THSD4: variants seen among roughly 807,000 people sequenced by gnomAD.
The protein encoded by THSD4 is thrombospondin type 1 domain containing 4.
In THSD4, 69 loss-of-function variants were observed where a neutral mutation model predicts 119.0. The observed-to-expected ratio is 0.58, with a 90% CI of 0.48 to 0.71. THSD4 has a LOEUF of 0.71. Among genes scored for constraint, THSD4 ranks in the 30% least tolerant of loss-of-function variants. The pLI is 0.00. For synonymous variants in THSD4, 524 were observed against 540.4 expected (o/e 0.97, Z 0.42); for missense variants, 1,393 against 1,391.1 (o/e 1.00, Z -0.02).
At chr15:71,768,256 AAGT>A (rs1339913604) in intron 16 of THSD4, among the ~76,000 whole-genome samples, 1 of 138,216 alleles carries the variant, frequency 7.2e-6, no homozygotes, top group East Asian at 2.0e-4. Flanking sequence ...AGCCCCCCGG[AAGT>A]AGTCTCACAA....
chr15:71,465,444 T>TA (rs1166553188), intron 7 of THSD4, among the ~76,000 whole-genome samples: 2 of 152,194 alleles, frequency 1.3e-5, no homozygotes, highest in Non-Finnish European at 2.9e-5. Flanking sequence ...CTGCTACCTT[T>TA]TGGGGGTTTC....
chr15:71,451,494 C>CT (rs2047265314), intron 7 of THSD4, among the ~76,000 whole-genome samples: 1 of 152,178 alleles, frequency 6.6e-6, no homozygotes, highest in African/African-American at 2.4e-5. Context: ...CCTGCATCTG[C>CT]TGCTCCCCAA....
chr15:71,270,561 C>T (rs1391705488), intron 6 of THSD4, among the ~76,000 whole-genome samples: 1 of 152,174 alleles, frequency 6.6e-6, no homozygotes, highest in Non-Finnish European at 1.5e-5. Flanking sequence ...CTTCATTTTA[C>T]AGATAAAACA....
At chr15:71,658,434 G>A (rs1226346779) in intron 7 of THSD4, among the ~76,000 whole-genome samples, 1 of 152,166 alleles carries the variant, frequency 6.6e-6, no homozygotes, top group African/African-American at 2.4e-5. Flanking sequence ...GGGAAGGGAG[G>A]GAGTGTGAGA....
chr15:71,229,176 C>T (rs1333082847), intron 4 of THSD4, among the ~76,000 whole-genome samples: 1 of 152,216 alleles, frequency 6.6e-6, no homozygotes, highest in South Asian at 2.1e-4. Context: ...GACTTAGTAG[C>T]TTGGACAGGT....
chr15:71,698,330 A>G (rs562370848), intron 8 of THSD4, among the ~76,000 whole-genome samples: 9 of 152,280 alleles, frequency 5.9e-5, no homozygotes, highest in Non-Finnish European at 1.2e-4. Flanking sequence ...CAAACAAAAG[A>G]TAAGTGTTGA....
At chr15:71,377,909 C>CAG (rs2046170026) in intron 6 of THSD4, among the ~76,000 whole-genome samples, 2 of 67,852 alleles carry the variant, frequency 2.9e-5, no homozygotes, top group African/African-American at 1.2e-4. Context: ...CACACACACA[C>CAG]ACACAATTTC....
chr15:71,260,415 CA>C (rs991306269), intron 6 of THSD4, among the ~76,000 whole-genome samples: 1 of 152,144 alleles, frequency 6.6e-6, no homozygotes, highest in African/African-American at 2.4e-5. Context: ...ATCTTTTTCA[CA>C]AATATTTCCA....
At chr15:71,674,984 A>G (rs1346936943) in intron 8 of THSD4, among the ~76,000 whole-genome samples, 1 of 152,236 alleles carries the variant, frequency 6.6e-6, no homozygotes, top group Non-Finnish European at 1.5e-5. Flanking sequence ...TAAAATAACA[A>G]TAAATATCTA....
intron 5 of THSD4, among the ~76,000 whole-genome samples, chr15:71,244,430 A>C (rs185155462): frequency 6.6e-6 from 1 of 152,322 alleles, no homozygotes; most frequent in African/African-American, 2.4e-5. Context: ...CATTAAAAAT[A>C]TATTTCCTGC....
At chr15:71,614,321 A>G (rs1228601777) in intron 7 of THSD4, among the ~76,000 whole-genome samples, 2 of 152,196 alleles carry the variant, frequency 1.3e-5, no homozygotes, top group Admixed American at 1.3e-4. Flanking sequence ...TTGCCTAATT[A>G]CCAAAACCAA....
intron 7 of THSD4, among the ~76,000 whole-genome samples, chr15:71,632,287 G>T (rs1378962751): frequency 6.6e-6 from 1 of 152,094 alleles, no homozygotes; most frequent in Non-Finnish European, 1.5e-5. Flanking sequence ...TCACCCTTGG[G>T]GTTGAAAAGG....
intron 7 of THSD4, among the ~76,000 whole-genome samples, chr15:71,428,214 T>TGC (rs1341464281): frequency 6.6e-6 from 1 of 152,214 alleles, no homozygotes; most frequent in Non-Finnish European, 1.5e-5. Flanking sequence ...TACAGAGCTA[T>TGC]GCAATACTCA....
intron 3 of THSD4, among the ~76,000 whole-genome samples, chr15:71,171,881 T>C (rs922407219): frequency 6.6e-6 from 1 of 152,174 alleles, no homozygotes; most frequent in African/African-American, 2.4e-5. Context: ...AAAGGAAGTA[T>C]GATATTATAA....
intron 7 of THSD4, among the ~76,000 whole-genome samples, chr15:71,629,137 T>C (rs969929227): frequency 6.6e-6 from 1 of 152,162 alleles, no homozygotes; most frequent in African/African-American, 2.4e-5. Context: ...CCGGGTTGGC[T>C]CAATCTGAAT....
chr15:71,460,305 G>GTTTTTT (rs563476190), intron 7 of THSD4, among the ~76,000 whole-genome samples: 16 of 122,578 alleles, frequency 1.3e-4, no homozygotes, highest in Non-Finnish European at 2.4e-4. Flanking sequence ...AAGTTGCCTG[G>GTTTTTT]TTTTTTTTTT....
chr15:71,357,440 T>A (rs1191690754), intron 6 of THSD4, among the ~76,000 whole-genome samples: 1 of 152,174 alleles, frequency 6.6e-6, no homozygotes, highest in African/African-American at 2.4e-5. Context: ...TTTCAGCAAG[T>A]CCACCCAGTG....
intron 6 of THSD4, among the ~76,000 whole-genome samples, chr15:71,358,778 C>G (rs1869775395): frequency 6.6e-6 from 1 of 152,116 alleles, no homozygotes; most frequent in Non-Finnish European, 1.5e-5. Context: ...TCTGGGTGGC[C>G]CAGTGCAAGT....
At chr15:71,329,812 G>A (rs1039878720) in intron 6 of THSD4, among the ~76,000 whole-genome samples, 3 of 152,218 alleles carry the variant, frequency 2.0e-5, no homozygotes, top group Non-Finnish European at 4.4e-5. Context: ...TGGGCGTGGT[G>A]GCTCACGCCT....
Sources: allele counts gnomAD v4.1 joint callset (sites outside exome capture counted in the v4.1 genomes callset), GRCh38; gene constraint gnomAD v4.1.1; transcripts MANE v1.5; gene names NCBI Gene and HGNC (gene_info 2026-07-23, HGNC 2026-07-21).